FAT2: variants seen among roughly 807,000 people sequenced by gnomAD.
The protein encoded by FAT2 is FAT atypical cadherin 2, also known as protocadherin Fat 2.
In FAT2, 150 loss-of-function variants were observed where a neutral mutation model predicts 295.3. The ratio of observed to expected loss-of-function variants is 0.51; its 90% confidence interval spans 0.44 to 0.58. The LOEUF (loss-of-function observed/expected upper bound fraction) is 0.58. Among genes scored for constraint, FAT2 ranks in the 20% least tolerant of loss-of-function variants. The pLI is 0.00. For synonymous variants in FAT2, 2,026 were observed against 2,150.3 expected (o/e 0.94, Z 1.60); for missense variants, 4,868 against 5,442.7 (o/e 0.89, Z 3.32).
Position 151,563,507 on chromosome 5 carries a change from T to C in FAT2, c.3392A>G (p.Asn1131Ser), listed in dbSNP as rs777903286. The change falls in exon 3 of 24, where the codon AAT (asparagine) becomes AGT (serine). Residue 1131 changes from asparagine (N) to serine (S), a missense_variant. Asn to Ser is a conservative substitution (Grantham distance 46). Transcript: ENST00000261800. Reference protein sequence around the residue: ...TEVYIEVTDANDNPPQMSQAV... With the variant: ...TEVYIEVTDASDNPPQMSQAV... ...TTGGGACATCTGGGGTGGGTTGTCA[T>C]TGGCATCCGTAACCTCGATGTAGAC... The C allele has an allele frequency of 8.7e-6, 14 of 1,614,120 alleles. No individual in the cohort carries two copies. The highest frequency in any genetic ancestry group is 5.0e-5 in the Admixed American group (3 of 60,022).
intron 1 of FAT2, among the ~76,000 whole-genome samples, chr5:151,573,760 G>A (rs1013221513): frequency 1.3e-5 from 2 of 152,188 alleles, no homozygotes; most frequent in African/African-American, 4.8e-5. Flanking sequence ...GCTTTATAGA[G>A]GCTGTGATTC....
At chr5:151,550,462 ATGTCACAACT>A in intron 8 of FAT2, 118 bp downstream of exon 8, 1 of 1,089,520 alleles carries the variant, frequency 9.2e-7, no homozygotes, top group East Asian at 2.4e-5. Flanking sequence ...CAGCTGTGAA[ATGTCACAACT>A]CTGTCTCGTG....
intron 6 of FAT2, 129 bp from the exon 7 acceptor site, chr5:151,551,735 G>T: frequency 2.3e-6 from 2 of 859,884 alleles, no homozygotes; most frequent in Non-Finnish European, 3.4e-6. Context: ...TGAGTGACAG[G>T]TTGTAGTTTA....
At chr5:151,589,554 A>T (rs1208070415) in intron 1 of FAT2, among the ~76,000 whole-genome samples, 3 of 152,154 alleles carry the variant, frequency 2.0e-5, no homozygotes, top group African/African-American at 7.2e-5. Flanking sequence ...CTTCATCAGC[A>T]AGATGGAGAC....
intron 3 of FAT2, among the ~76,000 whole-genome samples, chr5:151,559,933 C>A (rs959684040): frequency 1.3e-5 from 2 of 152,172 alleles, no homozygotes; most frequent in African/African-American, 4.8e-5. Context: ...AAACCCCTCT[C>A]ACCCTTCCTG....
In FAT2 at chr5:151,545,123, A is replaced by G; in HGVS notation, c.6004T>C (p.Ser2002Pro). 1 of 1,614,194 alleles carries G rather than the reference A, an allele frequency of 6.2e-7. No homozygotes were observed. Among genetic ancestry groups the G allele is most frequent in the Non-Finnish European group, 8.5e-7 (1 of 1,180,030 alleles). ...AQGNHLNDTLSYFLLNGTDMF... is the reference protein window; with the variant it reads ...AQGNHLNDTLPYFLLNGTDMF... ...TCTGTGCCATTCAAGAGAAAGTAGG[A>G]AAGGGTGTCATTCAAATGATTGCCC... The change falls in exon 10 of 24, where the codon TCC (serine) becomes CCC (proline). Residue 2002 changes from serine (S) to proline (P), a missense_variant. By Grantham distance (74) the Ser-to-Pro change is moderately conservative. Around this residue, in one of 5 missense-constraint regions of FAT2, gnomAD observed 3,297 missense variants for 3,669.4 expected, o/e 0.90. Coordinates refer to ENST00000261800, the MANE Select transcript of FAT2 (RefSeq NM_001447.3).
rs1347558399 is a variant in FAT2 at position 151,505,488 on chromosome 5, C to T, written c.*77G>A. 1 of 1,564,154 alleles carries T rather than the reference C, an allele frequency of 6.4e-7. No individual in the cohort carries two copies. Among genetic ancestry groups the T allele is most frequent in the Non-Finnish European group, 8.7e-7 (1 of 1,148,418 alleles). On this transcript the variant is annotated 3_prime_UTR_variant, in exon 24 of 24. Coordinates refer to ENST00000261800, the MANE Select transcript of FAT2 (RefSeq NM_001447.3). Reference sequence around the variant, plus strand: ...CCCACTCTCCCAGCCACACTCAACTCACCCCCTACGAGACAGGAAGAAATA... The same window carrying T: ...CCCACTCTCCCAGCCACACTCAACTTACCCCCTACGAGACAGGAAGAAATA...
At position 151,512,329 on chromosome 5, in the gene FAT2, T is replaced by A; in HGVS notation, c.11741A>T (p.Asp3914Val). Residue 3914 changes from aspartate to valine, a missense_variant, in exon 21 of 24, where the codon GAT becomes GTT. By Grantham distance (152) the Asp-to-Val change is radical. This residue lies in a region of FAT2 where 1,046 missense variants were observed against 1,210.1 expected (regional missense o/e 0.86). Transcript: ENST00000261800. This position sits in a 1 kb window ranked among gnomAD's most constrained non-coding sequence, Gnocchi z 4.1. Reference protein sequence around the residue: ...NVSQGFEGCLDAVVVNEEALD... With the variant: ...NVSQGFEGCLVAVVVNEEALD... Reference sequence around the variant, plus strand: ...AGCCTCTTCGTTGACCACGACAGCATCCAGGCAGCCTTCAAAGCCCTGGGA... The same window carrying A: ...AGCCTCTTCGTTGACCACGACAGCAACCAGGCAGCCTTCAAAGCCCTGGGA... The A allele has an allele frequency of 6.2e-7, 1 of 1,614,168 alleles. No homozygotes were observed. Among genetic ancestry groups the A allele is most frequent in the East Asian group, 2.2e-5 (1 of 44,878 alleles).
At chr5:151,525,667 C>T (rs539538263) in intron 18 of FAT2, 101 bp downstream of exon 18, 2 of 1,358,674 alleles carry the variant, frequency 1.5e-6, no homozygotes, top group South Asian at 1.2e-5. Context: ...ATCCTAAGTG[C>T]TTTGTACATT....
chr5:151,556,346 C>A lies in FAT2; in HGVS notation c.3631G>T (p.Glu1211Ter). 6.2e-7 allele frequency: 1 copy of A among 1,613,630 alleles called. No individual in the cohort carries two copies. Among genetic ancestry groups the A allele is most frequent in the Non-Finnish European group, 8.5e-7 (1 of 1,179,548 alleles). ...ATGGATTCACCACCATTACTTACCTCCAGGATGTGTTCATCCTTGTTCTCT... is the reference window on the plus strand; with the variant it reads ...ATGGATTCACCACCATTACTTACCTACAGGATGTGTTCATCCTTGTTCTCT... The part of the protein sequence containing the change: ...DRENKDEHIL[E>*]VTVLDNGEPS... Residue 1211 changes from glutamate (E) to a stop codon, truncating the protein, a stop_gained and splice_region_variant, in exon 4 of 24, where the codon GAG becomes TAG. Transcript: ENST00000261800. LOFTEE classifies it high-confidence loss of function.
At position 151,543,989 on chromosome 5, in the gene FAT2, T is replaced by C; in HGVS notation, c.7138A>G (p.Arg2380Gly). 6.2e-7 allele frequency: 1 copy of C among 1,614,210 alleles called. No homozygotes were observed. The highest frequency in any genetic ancestry group is 8.5e-7 in the Non-Finnish European group (1 of 1,180,034). The part of the protein sequence containing the change: ...SDINDNPPEF[R>G]QPQYEANVSE... Reference sequence around the variant, plus strand: ...ACATTGGCTTCATATTGAGGTTGTCTGAACTCTGGGGGGTTGTCATTGATA... The same window carrying C: ...ACATTGGCTTCATATTGAGGTTGTCCGAACTCTGGGGGGTTGTCATTGATA... Residue 2380 changes from arginine to glycine, a missense_variant, in exon 10 of 24, where the codon AGA becomes GGA. Around this residue, in one of 5 missense-constraint regions of FAT2, gnomAD observed 3,297 missense variants for 3,669.4 expected, o/e 0.90. Coordinates refer to ENST00000261800, the MANE Select transcript of FAT2 (RefSeq NM_001447.3).
chr5:151,568,647 T>C lies in FAT2; in HGVS notation c.285A>G (p.Leu95=). The change falls in exon 2 of 24, where the codon CTA becomes CTG. Residue 95 remains leucine (L), a synonymous_variant. Transcript: ENST00000261800. ...TGTTGCTGCTCTTTGTCCTTATTCTTAGGAAGCAGAAGTTGCCCACCACAT... is the reference window on the plus strand; with the variant it reads ...TGTTGCTGCTCTTTGTCCTTATTCTCAGGAAGCAGAAGTTGCCCACCACAT... ...EEYVVGNFCF[L]RIRTKSSNTA... is the part of the protein sequence containing the mutation. The C allele has an allele frequency of 1.9e-6, 3 of 1,614,116 alleles. No homozygotes were observed. Among genetic ancestry groups the C allele is most frequent in the Non-Finnish European group, 2.5e-6 (3 of 1,180,026 alleles).
Position 151,548,723 on chromosome 5 carries a change from C to T in FAT2, c.4789+572G>A, listed in dbSNP as rs59933233. On this transcript the variant is annotated intron_variant, in intron 9 of 23. Coordinates refer to ENST00000261800, the MANE Select transcript of FAT2 (RefSeq NM_001447.3). ...CTCGAACTCCCAACCTCAGGTGATC[C>T]GCCCGCCTCGGCCTCCCAAAGTGCT... Among the ~76,000 whole-genome samples the T allele has an allele frequency of 9.7e-3, 1,474 of 152,162 alleles. 20 individuals are homozygous for T. Among genetic ancestry groups the T allele is most frequent in the African/African-American group, 0.034 (1,400 of 41,506 alleles).
chr5:151,549,490 T>C lies in FAT2; in HGVS notation c.4594A>G (p.Ile1532Val). ...TLTVMVRDQEIPIKRNFVWVT... is the reference protein window; with the variant it reads ...TLTVMVRDQEVPIKRNFVWVT... ...CACACGAAGTTCCTCTTGATAGGTATTTCCTGGTCTCGGACCTATGGGCCC... is the reference window on the plus strand; with the variant it reads ...CACACGAAGTTCCTCTTGATAGGTACTTCCTGGTCTCGGACCTATGGGCCC... Residue 1532 changes from isoleucine to valine, a missense_variant, in exon 9 of 24, where the codon ATA (isoleucine) becomes GTA (valine). Physicochemically the swap from Ile to Val is conservative, Grantham distance 29. This residue lies in a region of FAT2 where 3,297 missense variants were observed against 3,669.4 expected (regional missense o/e 0.90). Coordinates refer to ENST00000261800, the MANE Select transcript of FAT2 (RefSeq NM_001447.3). 3 of 1,614,182 alleles carry C rather than the reference T, an allele frequency of 1.9e-6. No individual in the cohort carries two copies. The highest frequency in any genetic ancestry group is 2.5e-6 in the Non-Finnish European group (3 of 1,180,040).
intron 3 of FAT2, among the ~76,000 whole-genome samples, chr5:151,562,548 G>C (rs1758063510): frequency 6.6e-6 from 1 of 152,164 alleles, no homozygotes; most frequent in Admixed American, 6.5e-5. Flanking sequence ...TTCTGTGCCA[G>C]GTCTACAAAG....
chr5:151,537,858 T>C lies in FAT2; in HGVS notation c.9128A>G (p.Asn3043Ser). Residue 3043 changes from asparagine (N) to serine (S), a missense_variant, in exon 12 of 24, where the codon AAT becomes AGT. Physicochemically the swap from Asn to Ser is conservative, Grantham distance 46. Around this residue, in one of 5 missense-constraint regions of FAT2, gnomAD observed 1,046 missense variants for 1,210.1 expected, o/e 0.86. Transcript: ENST00000261800. ...VSATDLDTDT[N>S]AQITYSLHGP... ...ATGCAGAGAATATGTGATCTGAGCA[T>C]TGGTATCAGTGTCCAAGTCTGTGGC... 6.2e-7 allele frequency: 1 copy of C among 1,614,212 alleles called. No individual in the cohort carries two copies. Among genetic ancestry groups the C allele is most frequent in the Non-Finnish European group, 8.5e-7 (1 of 1,180,018 alleles).
chr5:151,541,850 C>G (rs529657403), intron 10 of FAT2, among the ~76,000 whole-genome samples: 2 of 152,344 alleles, frequency 1.3e-5, no homozygotes, highest in South Asian at 4.1e-4. Context: ...CACTTAGGAC[C>G]TGTGATTGAC....
rs1757386076 is a variant in FAT2 at position 151,553,322 on chromosome 5, G to T, written c.4011C>A (p.Ile1337=). The T allele has an allele frequency of 6.2e-7, 1 of 1,614,272 alleles. No homozygotes were observed. The highest frequency in any genetic ancestry group is 1.3e-5 in the African/African-American group (1 of 75,074). Residue 1337 remains isoleucine, a synonymous_variant, in exon 6 of 24, where the codon ATC becomes ATA. Transcript: ENST00000261800. ...SASVRLHIEW[I]PWPRPSSIPL... ...GGATGGAGGACGGCCGGGGCCAAGG[G>T]ATCCACTCAATGTGTAGCCGGACAC...
chr5:151,567,793 C>A lies in FAT2; in HGVS notation c.1139G>T (p.Arg380Leu). Residue 380 changes from arginine to leucine, a missense_variant, in exon 2 of 24, where the codon CGC becomes CTC. By Grantham distance (102) the Arg-to-Leu change is moderately radical. Around this residue, in one of 5 missense-constraint regions of FAT2, gnomAD observed 3,297 missense variants for 3,669.4 expected, o/e 0.90. Transcript: ENST00000261800. ...TGGGGTGACTCTCACCATCACCACG[C>A]GGCTGCCAGGAGGGGAAAACTCACT... ...QLSEFSPPGS[R>L]VVMVRVTPAF... 1.2e-6 allele frequency: 2 copies of A among 1,614,152 alleles called. No homozygotes were observed. The highest frequency in any genetic ancestry group is 1.7e-6 in the Non-Finnish European group (2 of 1,180,024).
Sources: gnomAD v4.1 joint callset for allele counts (sites outside exome capture counted in the v4.1 genomes callset) on GRCh38, gnomAD v4.1.1 for gene constraint, gnomAD v4.1.1 regional missense constraint, Gnocchi (gnomAD v3.1) non-coding constraint, MANE v1.5 for transcripts, NCBI Gene and HGNC (gene_info 2026-07-23, HGNC 2026-07-21) for gene names.